The following PRKN variants were observed in gnomAD, a reference collection of about 807,000 sequenced individuals.
The protein encoded by PRKN is parkin RBR E3 ubiquitin protein ligase, also known as E3 ubiquitin-protein ligase parkin.
In PRKN, 56 loss-of-function variants were observed where a neutral mutation model predicts 59.5. The ratio of observed to expected loss-of-function variants is 0.94; its 90% CI spans 0.76 to 1.18. The LOEUF is 1.18. Ranked by LOEUF, PRKN falls within the 50% of genes most tolerant of loss-of-function variation. The pLI, the probability that PRKN is intolerant of heterozygous loss-of-function variation, is 0.00. For missense variants in PRKN, 657 were observed against 596.4 expected (o/e 1.10, Z -1.06); for synonymous variants, 250 against 222.1 (o/e 1.13, Z -1.12).
chr6:161,395,624 G>A lies in PRKN; in HGVS notation c.1084-8747C>T, dbSNP rs1315645379. Among the ~76,000 whole-genome samples the A allele has an allele frequency of 1.3e-5, 2 of 152,174 alleles. No homozygotes were observed. Among genetic ancestry groups the A allele is most frequent in the African/African-American group, 4.8e-5 (2 of 41,438 alleles). ...CCAACACGCTGTGGTCTCAACCACC[G>A]CCTTTGTCAAGCTGCTTTAAAAGAA... On this transcript the variant is annotated intron_variant, in intron 9 of 11. Coordinates refer to ENST00000366898, the MANE Select transcript of PRKN (RefSeq NM_004562.3). The surrounding 1 kb of genome is among the most constrained non-coding windows in gnomAD (Gnocchi z 5.0).
In PRKN at chr6:161,487,170, T is replaced by A. The variant is rs1024280012; in HGVS notation, c.1083+61684A>T. ...CACTGTGCCCAGGACTGTATATGGA[T>A]CATGTTTAATCCAAAAGCAATTCTG... On this transcript the variant is annotated intron_variant, in intron 9 of 11. Coordinates refer to ENST00000366898, the MANE Select transcript of PRKN (RefSeq NM_004562.3). The surrounding 1 kb of genome is among the most constrained non-coding windows in gnomAD (Gnocchi z 5.3). 6.6e-6 allele frequency among the ~76,000 whole-genome samples: 1 copy of A among 152,172 alleles called. No individual in the cohort carries two copies. Among genetic ancestry groups the A allele is most frequent in the African/African-American group, 2.4e-5 (1 of 41,442 alleles).
chr6:161,703,679 T>A (rs1285036869), intron 7 of PRKN, among the ~76,000 whole-genome samples: 1 of 152,006 alleles, frequency 6.6e-6, no homozygotes, highest in Non-Finnish European at 1.5e-5. Context: ...TTGTAATGCC[T>A]CTCCAATCCA....
intron 9 of PRKN, among the ~76,000 whole-genome samples, chr6:161,389,363 T>C (rs148278184): frequency 1.3e-5 from 2 of 152,356 alleles, no homozygotes; most frequent in African/African-American, 2.4e-5. Flanking sequence ...TATGCCACAA[T>C]TGATCTTCAA....
chr6:162,498,327 A>G (rs191524711), intron 1 of PRKN, among the ~76,000 whole-genome samples: 2 of 146,742 alleles, frequency 1.4e-5, no homozygotes, highest in African/African-American at 5.0e-5. Flanking sequence ...GCAACACTCA[A>G]CATTTGATGT....
chr6:161,891,950 T>A (rs1795359027), intron 6 of PRKN, among the ~76,000 whole-genome samples: 1 of 147,456 alleles, frequency 6.8e-6, no homozygotes, highest in Non-Finnish European at 1.5e-5. Context: ...AATATTCCTG[T>A]GAAGTTTTCT....
At chr6:161,753,421 A>G (rs1357230563) in intron 7 of PRKN, among the ~76,000 whole-genome samples, 4 of 152,218 alleles carry the variant, frequency 2.6e-5, no homozygotes, top group Non-Finnish European at 5.9e-5. Context: ...GAAAAAAGCC[A>G]GGTTGGAAAG....
intron 7 of PRKN, among the ~76,000 whole-genome samples, chr6:161,737,550 T>C (rs1345318044): frequency 5.3e-5 from 8 of 152,238 alleles, no homozygotes. Context: ...TGGCATTCAA[T>C]GCTGTATGTG....
chr6:162,661,451 G>A (rs1255855149), intron 1 of PRKN, among the ~76,000 whole-genome samples: 2 of 152,132 alleles, frequency 1.3e-5, no homozygotes, highest in South Asian at 4.1e-4. Flanking sequence ...TAGTAATGAG[G>A]ATATACAAGG....
Position 161,732,881 on chromosome 6 carries a change from T to C in PRKN, c.871+52891A>G, listed in dbSNP as rs372194559. ...CCCTCACTTGTTAGCAGTGAGCAGA[T>C]TGAGTTTGCCTCAGGAGAATTTTCT... On this transcript the variant is annotated intron_variant, in intron 7 of 11. Transcript: ENST00000366898. Among the ~76,000 whole-genome samples, 19 of 152,298 alleles carry C rather than the reference T, an allele frequency of 1.2e-4. 1 individual carries two copies. In the South Asian group the frequency reaches 3.1e-3, roughly 25 times the overall value.
intron 5 of PRKN, among the ~76,000 whole-genome samples, chr6:161,978,935 G>A (rs1015117986): frequency 3.3e-5 from 5 of 152,330 alleles, no homozygotes; most frequent in Admixed American, 3.3e-4. Flanking sequence ...AGTGTGGCTG[G>A]AACAGAATCC....
intron 6 of PRKN, among the ~76,000 whole-genome samples, chr6:161,840,333 A>C (rs776633982): frequency 6.6e-5 from 10 of 152,224 alleles, no homozygotes; most frequent in Non-Finnish European, 1.3e-4. Flanking sequence ...GGGAATCAGC[A>C]GCTAAAGTGC....
At chr6:162,041,896 T>C (rs928055247) in intron 5 of PRKN, among the ~76,000 whole-genome samples, 6 of 152,102 alleles carry the variant, frequency 3.9e-5, no homozygotes, top group African/African-American at 1.2e-4. Flanking sequence ...GTGGCTGACA[T>C]ATCCTATCCT....
intron 1 of PRKN, among the ~76,000 whole-genome samples, chr6:162,525,799 G>A (rs1207226494): frequency 1.3e-5 from 2 of 152,104 alleles, no homozygotes; most frequent in African/African-American, 2.4e-5. Context: ...AGATGTCATC[G>A]GTTAAATCGC....
chr6:161,418,778 G>T (rs1259608003), intron 9 of PRKN, among the ~76,000 whole-genome samples: 1 of 152,202 alleles, frequency 6.6e-6, no homozygotes, highest in Non-Finnish European at 1.5e-5. Flanking sequence ...CATAGTATTT[G>T]CTTCTAGAGC....
At chr6:162,038,986 C>G (rs1783954723) in intron 5 of PRKN, among the ~76,000 whole-genome samples, 1 of 151,958 alleles carries the variant, frequency 6.6e-6, no homozygotes, top group South Asian at 2.1e-4. Flanking sequence ...AACCCCGTCT[C>G]TACTAAAAAA....
intron 1 of PRKN, among the ~76,000 whole-genome samples, chr6:162,590,371 C>G (rs1426006406): frequency 1.3e-5 from 2 of 152,232 alleles, no homozygotes; most frequent in East Asian, 3.9e-4. Context: ...GATAAACATA[C>G]TAAACGAAAA....
chr6:161,942,708 A>G (rs1041301946), intron 6 of PRKN, among the ~76,000 whole-genome samples: 1 of 152,316 alleles, frequency 6.6e-6, no homozygotes, highest in Admixed American at 6.5e-5. Context: ...ACACCTTTAC[A>G]TCAACAGAGT....
At chr6:162,111,749 A>G (rs763455234) in intron 4 of PRKN, among the ~76,000 whole-genome samples, 8 of 152,118 alleles carry the variant, frequency 5.3e-5, no homozygotes, top group East Asian at 1.9e-4. Context: ...GAGAGAAACT[A>G]AACAACCAGA....
Position 161,350,922 on chromosome 6 carries a change from ATT to A in PRKN, c.1286-713_1286-712del, listed in dbSNP as rs1161498075. On this transcript the variant is annotated intron_variant, in intron 11 of 11. Transcript: ENST00000366898. The stretch of plus-strand genomic sequence containing the variant: ...ATATAAATATATTTTATATATTTAT[ATT>A]TAAAATATATATAAATATATTTTAT... Among the ~76,000 whole-genome samples the A allele has an allele frequency of 9.3e-4, 83 of 89,718 alleles. 4 individuals are homozygous for A. The highest frequency in any genetic ancestry group is 3.9e-3 in the African/African-American group (80 of 20,286). The allele number at this position is 89,718 out of a possible 152,430, so 58.9% of individuals were successfully genotyped here.
Sources: allele counts gnomAD v4.1 joint callset (sites outside exome capture counted in the v4.1 genomes callset), GRCh38; gene constraint gnomAD v4.1.1; non-coding constraint Gnocchi (gnomAD v3.1); transcripts MANE v1.5; gene names NCBI Gene and HGNC (gene_info 2026-07-23, HGNC 2026-07-21).